Variants in CDH3 observed in about 807,000 individuals in gnomAD.
The protein encoded by CDH3 is cadherin-3.
In CDH3, 54 loss-of-function variants were observed where a neutral mutation model predicts 82.0. That is an observed-to-expected ratio of 0.66 (90% CI 0.53 to 0.83). The LOEUF (loss-of-function observed/expected upper bound fraction) is 0.83, where lower values mean the gene tolerates loss of function less well. Among genes scored for constraint, CDH3 ranks in the 40% least tolerant of loss-of-function variants. The probability of loss-of-function intolerance (pLI) is 0.00; values close to 1 mark genes in which losing one functional copy is unlikely to be tolerated. For synonymous variants in CDH3, 446 were observed against 437.9 expected (o/e 1.02, Z -0.23); for missense variants, 1,054 against 1,084.6 (o/e 0.97, Z 0.40).
chr16:68,676,590 G>T, intron 3 of CDH3, 120 bp downstream of exon 3: 1 of 761,978 alleles, frequency 1.3e-6, no homozygotes, highest in South Asian at 1.5e-5. Context: ...CTTCAGAGGA[G>T]GTAGTGTTAG....
At chr16:68,673,405 T>G (rs1960940850) in intron 2 of CDH3, among the ~76,000 whole-genome samples, 2 of 152,056 alleles carry the variant, frequency 1.3e-5, no homozygotes, top group African/African-American at 4.8e-5. Context: ...CAACAGAAAC[T>G]CTGTACTCAT....
Position 68,678,584 on chromosome 16 carries a change from C to T in CDH3, c.474C>T (p.Phe158=), listed in dbSNP as rs140049723. 8.1e-5 allele frequency: 131 copies of T among 1,614,218 alleles called. No individual in the cohort carries two copies. The South Asian group carries it at 1.2e-3, about 14-fold the overall frequency. Residue 158 remains phenylalanine (F), a synonymous_variant, in exon 5 of 16, where the codon TTC becomes TTT. Transcript: ENST00000264012. The part of the protein sequence containing the change: ...PGADSPPEGV[F]AVEKETGWLL... Reference sequence around the variant, plus strand: ...CAGACAGCCCCCCTGAGGGTGTCTTCGCTGTAGAGAAGGAGACAGGCTGGT... The same window carrying T: ...CAGACAGCCCCCCTGAGGGTGTCTTTGCTGTAGAGAAGGAGACAGGCTGGT...
At chr16:68,716,797 C>T (rs1194120595) in intron 1 of CDH3, among the ~76,000 whole-genome samples, 1 of 151,932 alleles carries the variant, frequency 6.6e-6, no homozygotes, top group Non-Finnish European at 1.5e-5. Context: ...GACCATAGCT[C>T]ACTGCAGCCT....
At position 68,682,499 on chromosome 16, in the gene CDH3, C is replaced by T. The variant is rs368560059; in HGVS notation, c.1182+12C>T. ...TGACAACCAGGAAGGTGAGTCAGTT[C>T]GGGCCTCAGACAATGGCTATACCTG... is the stretch of plus-strand genomic sequence containing the variant. On this transcript the variant is annotated intron_variant, in intron 9 of 15. Transcript: ENST00000264012. 46 of 1,613,554 alleles carry T rather than the reference C, an allele frequency of 2.9e-5. 1 individual carries two copies. Among genetic ancestry groups the T allele is most frequent in the South Asian group, 1.4e-4 (13 of 91,064 alleles).
In CDH3 at chr16:68,698,213, A is replaced by AC; in HGVS notation, c.2307dup (p.Thr770HisfsTer14). The AC allele has an allele frequency of 1.2e-6, 2 of 1,613,970 alleles. No homozygotes were observed. Among genetic ancestry groups the AC allele is most frequent in the East Asian group, 2.2e-5 (1 of 44,876 alleles). On this transcript the variant is annotated frameshift_variant, in exon 16 of 16. Coordinates refer to ENST00000264012, the MANE Select transcript of CDH3 (RefSeq NM_001793.6). LOFTEE classifies it high-confidence loss of function. Reference sequence around the variant, plus strand: ...CAGAACCTGAAGGCGGCTAACACAGACCCCACAGCCCCGCCCTACGACACC... The same window carrying AC: ...CAGAACCTGAAGGCGGCTAACACAGACCCCCACAGCCCCGCCCTACGACACC...
In CDH3 at chr16:68,707,937, G is replaced by A. The variant is rs1402278896; in HGVS notation, c.99+12014G>A. Among the ~76,000 whole-genome samples the A allele has an allele frequency of 2.0e-5, 3 of 152,068 alleles. No individual in the cohort carries two copies. Among genetic ancestry groups the A allele is most frequent in the Non-Finnish European group, 2.9e-5 (2 of 68,002 alleles). On this transcript the variant is annotated intron_variant, in intron 1 of 2. Transcript: ENST00000569080. The surrounding 1 kb of genome is among the most constrained non-coding windows in gnomAD (Gnocchi z 4.5). ...ACTGTTGTCCATCCGGTAAACCACGGCCAGCCCACAGCTGACAGGGCAGGG... is the reference window on the plus strand; with the variant it reads ...ACTGTTGTCCATCCGGTAAACCACGACCAGCCCACAGCTGACAGGGCAGGG...
intron 2 of CDH3, among the ~76,000 whole-genome samples, chr16:68,653,838 C>G (rs781307757): frequency 6.7e-6 from 1 of 150,196 alleles, no homozygotes; most frequent in Non-Finnish European, 1.5e-5. Context: ...TACAGGCGCC[C>G]GCAACCACGC....
At chr16:68,718,349 T>C (rs1476943819) in intron 1 of CDH3, among the ~76,000 whole-genome samples, 4 of 152,070 alleles carry the variant, frequency 2.6e-5, no homozygotes, top group Non-Finnish European at 5.9e-5. Flanking sequence ...AATTCTGTTA[T>C]AGCAACGTAA....
At chr16:68,695,487 C>A in intron 14 of CDH3, 102 bp downstream of exon 14, 1 of 1,225,306 alleles carries the variant, frequency 8.2e-7, no homozygotes, top group Non-Finnish European at 1.2e-6. Flanking sequence ...GTTGACCAGG[C>A]CCTGGCATGA....
At chr16:68,715,853 C>T (rs1346690245) in intron 1 of CDH3, among the ~76,000 whole-genome samples, 1 of 152,218 alleles carries the variant, frequency 6.6e-6, no homozygotes, top group African/African-American at 2.4e-5. Flanking sequence ...GGTTCAAAAA[C>T]CTGAAACAAG....
At chr16:68,689,831 C>T (rs1259000072) in intron 12 of CDH3, among the ~76,000 whole-genome samples, 1 of 151,708 alleles carries the variant, frequency 6.6e-6, no homozygotes, top group East Asian at 1.9e-4. Flanking sequence ...AGGCTGACAA[C>T]CCGGGGAGGG....
At chr16:68,732,526 A>G in the CDH3 span, among the ~76,000 whole-genome samples, 1 of 152,220 alleles carries the variant, frequency 6.6e-6, no homozygotes, top group Non-Finnish European at 1.5e-5. Context: ...CTGCCAGGTG[A>G]CAGGGTCTCT....
intron 2 of CDH3, among the ~76,000 whole-genome samples, chr16:68,667,560 T>G (rs776700815): frequency 2.2e-4 from 34 of 152,218 alleles, no homozygotes; most frequent in Non-Finnish European, 3.8e-4. Flanking sequence ...GCTCCTGACC[T>G]TCAAGGGTAT....
At chr16:68,645,538 G>T in intron 1 of CDH3, 98 bp from the exon 2 acceptor site, 1 of 1,455,250 alleles carries the variant, frequency 6.9e-7, no homozygotes, top group Non-Finnish European at 9.4e-7. Flanking sequence ...CTGGGGCCAA[G>T]GGAGTCCCGG....
intron 2 of CDH3, among the ~76,000 whole-genome samples, chr16:68,666,745 A>G (rs181640704): frequency 2.6e-5 from 4 of 152,300 alleles, no homozygotes; most frequent in African/African-American, 9.6e-5. Context: ...TATGCTATAA[A>G]TGGCTTTATG....
chr16:68,685,148 G>A (rs1961369187), intron 10 of CDH3, 57 bp from the exon 11 acceptor site: 1 of 1,600,230 alleles, frequency 6.2e-7, no homozygotes, highest in East Asian at 2.2e-5. Context: ...GGCCCTGAAT[G>A]ATGACATCAG....
At chr16:68,697,124 A>C (rs371296080) in intron 15 of CDH3, among the ~76,000 whole-genome samples, 58 of 151,834 alleles carry the variant, frequency 3.8e-4, no homozygotes, top group African/African-American at 1.3e-3. Flanking sequence ...AGAGATTGAG[A>C]CTATCCTGGC....
intron 10 of CDH3, 86 bp from the exon 11 acceptor site, chr16:68,685,119 C>T (rs1329931254): frequency 1.3e-6 from 2 of 1,493,478 alleles, no homozygotes; most frequent in African/African-American, 1.4e-5. Context: ...CAGAGGCCAT[C>T]TGCCAGTTGG....
At chr16:68,655,788 A>T (rs546922363) in intron 2 of CDH3, among the ~76,000 whole-genome samples, 1 of 152,038 alleles carries the variant, frequency 6.6e-6, no homozygotes, top group African/African-American at 2.4e-5. Context: ...GCTTGAACCC[A>T]GGAGGCAGAG....
Sources: allele counts gnomAD v4.1 joint callset (sites outside exome capture counted in the v4.1 genomes callset), GRCh38; gene constraint gnomAD v4.1.1; non-coding constraint Gnocchi (gnomAD v3.1); transcripts MANE v1.5; gene names NCBI Gene and HGNC (gene_info 2026-07-23, HGNC 2026-07-21).